PAX5: variants seen among roughly 807,000 people sequenced by gnomAD.
The protein encoded by PAX5 is paired box protein Pax-5.
In PAX5, 9 loss-of-function variants were observed where a neutral mutation model predicts 43.7. That is an observed-to-expected ratio of 0.21 (90% CI 0.12 to 0.36). The LOEUF is 0.36. PAX5 is among the 10% of genes least tolerant of loss of function. The pLI is 1.00. For synonymous variants in PAX5, 228 were observed against 214.3 expected (o/e 1.06, Z -0.56); for missense variants, 383 against 532.7 (o/e 0.72, Z 2.77).
chr9:36,861,785 G>T (rs910634148), intron 8 of PAX5, among the ~76,000 whole-genome samples: 10 of 151,956 alleles, frequency 6.6e-5, no homozygotes, highest in African/African-American at 2.4e-4. Context: ...GATAGGTCAG[G>T]ACTTTGGCCT....
intron 6 of PAX5, among the ~76,000 whole-genome samples, chr9:36,938,186 C>A (rs534310475): frequency 6.6e-6 from 1 of 152,120 alleles, no homozygotes; most frequent in African/African-American, 2.4e-5. Flanking sequence ...CTTTTAATTA[C>A]GGAAATATAT....
intron 7 of PAX5, among the ~76,000 whole-genome samples, chr9:36,891,844 G>C (rs531541171): frequency 1.6e-4 from 24 of 152,284 alleles, no homozygotes; most frequent in African/African-American, 5.5e-4. Context: ...GATTTGTAGA[G>C]CCAGGAAGAC....
chr9:36,924,528 T>TG (rs1830426458), intron 6 of PAX5, among the ~76,000 whole-genome samples: 2 of 151,970 alleles, frequency 1.3e-5, no homozygotes, highest in African/African-American at 4.8e-5. Context: ...AAGACCACCT[T>TG]GGGAAACATG....
At chr9:36,927,243 G>C (rs1830716047) in intron 6 of PAX5, among the ~76,000 whole-genome samples, 1 of 152,076 alleles carries the variant, frequency 6.6e-6, no homozygotes, top group Non-Finnish European at 1.5e-5. Context: ...GCCCACCCTG[G>C]GGCCTGGCAC....
chr9:37,002,632 C>A lies in PAX5; in HGVS notation c.604+16G>T. 6 of 1,606,446 alleles carry A rather than the reference C, an allele frequency of 3.7e-6. No homozygotes were observed. Among genetic ancestry groups the A allele is most frequent in the Non-Finnish European group, 5.1e-6 (6 of 1,175,924 alleles). On this transcript the variant is annotated intron_variant, in intron 5 of 9. Coordinates refer to ENST00000358127, the MANE Select transcript of PAX5 (RefSeq NM_016734.3). ...GTGGAGCGCATCCCCGACGGGGCTG[C>A]GCGGGCCTCTCTTACCTTCGTCTCT...
intron 7 of PAX5, chr9:36,922,956 G>A: frequency 5.5e-6 from 1 of 180,762 alleles, no homozygotes; most frequent in Non-Finnish European, 1.2e-5. Context: ...GATTCTGCCT[G>A]CCAACATCAA....
chr9:37,024,395 C>T (rs959670668), intron 1 of PAX5, among the ~76,000 whole-genome samples: 7 of 151,950 alleles, frequency 4.6e-5, no homozygotes, highest in African/African-American at 1.7e-4. Flanking sequence ...AGGCAGGGAG[C>T]GGTAACAGGA....
intron 5 of PAX5, among the ~76,000 whole-genome samples, chr9:37,000,313 G>A (rs976878265): frequency 6.6e-6 from 1 of 151,948 alleles, no homozygotes; most frequent in African/African-American, 2.4e-5. Context: ...TGGTTGATTG[G>A]GTTTGTCCCC....
intron 6 of PAX5, among the ~76,000 whole-genome samples, chr9:36,955,780 AAAAT>A (rs1238915682): frequency 2.4e-5 from 2 of 82,944 alleles, no homozygotes; most frequent in African/African-American, 3.5e-5. Context: ...CAAAAAAAAA[AAAAT>A]ATATATATAT....
At chr9:37,008,678 G>C (rs1311955064) in intron 3 of PAX5, among the ~76,000 whole-genome samples, 1 of 152,136 alleles carries the variant, frequency 6.6e-6, no homozygotes, top group Non-Finnish European at 1.5e-5. Flanking sequence ...CTGGCTACTT[G>C]AGCTCAGCAA....
intron 6 of PAX5, among the ~76,000 whole-genome samples, chr9:36,958,642 G>C (rs958606615): frequency 2.0e-5 from 3 of 152,136 alleles, no homozygotes; most frequent in Non-Finnish European, 4.4e-5. Context: ...TGGTCCCCTA[G>C]CTCTCCGAGT....
At position 36,952,234 on chromosome 9, in the gene PAX5, C is replaced by CTTT. The variant is rs138009049; in HGVS notation, c.780+14312_780+14314dup. 9.1e-3 allele frequency among the ~76,000 whole-genome samples: 604 copies of CTTT among 66,642 alleles called. 106 individuals carry two copies. The highest frequency in any genetic ancestry group is 0.062 in the Middle Eastern group (2 of 32). 43.7% of individuals were successfully genotyped at this position (66,642 alleles called of 152,430 possible). ...TTTTTAATATGCTCTGACCATCTCC[C>CTTT]TTTTTTTTTTTTTTTTTTTTTTTGA... On this transcript the variant is annotated intron_variant, in intron 6 of 9. Coordinates refer to ENST00000358127, the MANE Select transcript of PAX5 (RefSeq NM_016734.3).
chr9:36,925,027 G>T (rs940742416), intron 6 of PAX5, among the ~76,000 whole-genome samples: 1 of 152,052 alleles, frequency 6.6e-6, no homozygotes, highest in Non-Finnish European at 1.5e-5. Context: ...GGAAGGAGCT[G>T]CAGGCACCCT....
At position 37,034,098 on chromosome 9, in the gene PAX5, C is replaced by CTTTT. The variant is rs576653546; in HGVS notation, c.-71_-68dup. The CTTTT allele has an allele frequency of 1.7e-3, 531 of 319,934 alleles. 6 individuals carry two copies. Among genetic ancestry groups the CTTTT allele is most frequent in the Middle Eastern group, 4.6e-3 (5 of 1,090 alleles). The allele number at this position is 319,934 out of a possible 1,614,324, so 19.8% of individuals were successfully genotyped here. A position where few individuals can be genotyped will look rare whatever the true frequency, so the allele number is the denominator to read the frequency against. ...TCCACTTTTTTGTGCCTTTTTTTTT[C>CTTTT]TTTTTTTTTTTTTTTTTTTTTTTTT... On this transcript the variant is annotated 5_prime_UTR_variant, in exon 1 of 10. Coordinates refer to ENST00000358127, the MANE Select transcript of PAX5 (RefSeq NM_016734.3).
At chr9:36,865,034 TGCGTTAACGA>T (rs1824730070) in intron 8 of PAX5, among the ~76,000 whole-genome samples, 1 of 152,226 alleles carries the variant, frequency 6.6e-6, no homozygotes, top group Admixed American at 6.5e-5. Context: ...CTGATCTAGC[TGCGTTAACGA>T]GCAAATTATG....
rs150343155 is a variant in PAX5 at position 36,981,803 on chromosome 9, C to T, written c.605-15079G>A. 1.8e-3 allele frequency among the ~76,000 whole-genome samples: 273 copies of T among 152,400 alleles called. 1 individual carries two copies. The highest frequency in any genetic ancestry group is 6.3e-3 in the African/African-American group (261 of 41,600). On this transcript the variant is annotated intron_variant, in intron 5 of 9. Transcript: ENST00000358127. ...CTGTGTGATCTTACACTTCTCTCAA[C>T]ACATCTGTGCAATGGGGTCAATAAA...
intron 5 of PAX5, among the ~76,000 whole-genome samples, chr9:36,979,664 AG>A (rs1835743416): frequency 6.6e-6 from 1 of 152,144 alleles, no homozygotes; most frequent in South Asian, 2.1e-4. Flanking sequence ...CACACAGCAG[AG>A]TTATCAGGCC....
At chr9:36,924,316 G>A (rs978691873) in intron 6 of PAX5, among the ~76,000 whole-genome samples, 3 of 152,144 alleles carry the variant, frequency 2.0e-5, no homozygotes, top group Non-Finnish European at 4.4e-5. Flanking sequence ...CTCCAGAGAA[G>A]GCAGCAAAGG....
chr9:36,878,648 C>A (rs749853603), intron 8 of PAX5, among the ~76,000 whole-genome samples: 1 of 152,170 alleles, frequency 6.6e-6, no homozygotes, highest in Non-Finnish European at 1.5e-5. Flanking sequence ...AGGCCAACCA[C>A]GGTGAGGCCT....
Sources: allele counts gnomAD v4.1 joint callset (sites outside exome capture counted in the v4.1 genomes callset), GRCh38; gene constraint gnomAD v4.1.1; transcripts MANE v1.5; gene names NCBI Gene and HGNC (gene_info 2026-07-23, HGNC 2026-07-21).